DCC: variants seen among roughly 807,000 people sequenced by gnomAD.
The protein encoded by DCC is DCC netrin 1 receptor.
A neutral mutation model predicts 172.5 loss-of-function variants in DCC; 58 were observed. The ratio of observed to expected loss-of-function variants is 0.34; its 90% CI spans 0.27 to 0.42. DCC has a LOEUF of 0.42. Among genes scored for constraint, DCC ranks in the 10% least tolerant of loss-of-function variants. The probability of loss-of-function intolerance (pLI) is 1.00; values close to 1 mark genes in which losing one functional copy is unlikely to be tolerated. For synonymous variants in DCC, 709 were observed against 644.5 expected, an observed-to-expected ratio of 1.10 and a Z score of -1.52; for missense variants, 1,740 against 1,791.0, an observed-to-expected ratio of 0.97 and a Z score of 0.51.
intron 14 of DCC, among the ~76,000 whole-genome samples, chr18:53,334,692 G>A (rs975781796): frequency 4.6e-5 from 7 of 152,124 alleles, no homozygotes; most frequent in Admixed American, 4.6e-4. Flanking sequence ...TTGTCATTTT[G>A]TGATTGGCCT....
At chr18:52,934,375 C>T (rs2040351946) in intron 5 of DCC, among the ~76,000 whole-genome samples, 1 of 152,014 alleles carries the variant, frequency 6.6e-6, no homozygotes, top group Non-Finnish European at 1.5e-5. Context: ...TCACTTTTTT[C>T]TGTGCTTCTA....
At chr18:52,941,775 AT>A (rs956363930) in intron 5 of DCC, among the ~76,000 whole-genome samples, 25 of 151,760 alleles carry the variant, frequency 1.6e-4, no homozygotes, top group African/African-American at 5.6e-4. Context: ...TCTGATGTTT[AT>A]TTTTTTATTT....
At chr18:52,651,668 G>T (rs1408958844) in intron 1 of DCC, among the ~76,000 whole-genome samples, 1 of 151,966 alleles carries the variant, frequency 6.6e-6, no homozygotes, top group Non-Finnish European at 1.5e-5. Flanking sequence ...AACAAAGTGA[G>T]TATATTTTTA....
At position 53,370,712 on chromosome 18, in the gene DCC, G is replaced by A. The variant is rs150530932; in HGVS notation, c.2360-15331G>A. 8.6e-5 allele frequency among the ~76,000 whole-genome samples: 13 copies of A among 151,574 alleles called. No homozygotes were observed. The East Asian group carries it at 2.1e-3, about 25-fold the overall frequency. On this transcript the variant is annotated intron_variant, in intron 15 of 28. Coordinates refer to ENST00000442544, the MANE Select transcript of DCC (RefSeq NM_005215.4). ...TTGATTTATAACTTCATCCCATTAC[G>A]GCCAGAGAAGATACTTTATATGATC... is the stretch of plus-strand genomic sequence containing the variant.
chr18:52,779,698 T>G (rs2037498523), intron 2 of DCC, among the ~76,000 whole-genome samples: 1 of 152,206 alleles, frequency 6.6e-6, no homozygotes, highest in Non-Finnish European at 1.5e-5. Context: ...CAAATGGTAT[T>G]TCTAGTTCTA....
At chr18:52,358,284 A>G (rs1251265521) in intron 1 of DCC, among the ~76,000 whole-genome samples, 1 of 152,178 alleles carries the variant, frequency 6.6e-6, no homozygotes, top group Non-Finnish European at 1.5e-5. Flanking sequence ...CATTGTCCGT[A>G]AAACTTAATA....
At chr18:53,300,995 T>TCTTTCTTTCTTTC in intron 12 of DCC, among the ~76,000 whole-genome samples, 1 of 109,662 alleles carries the variant, frequency 9.1e-6, no homozygotes, top group South Asian at 3.0e-4. Flanking sequence ...CTTTCTTTTT[T>TCTTTCTTTCTTTC]TTTCTTTTCT....
chr18:52,484,184 T>C (rs1424409547), intron 1 of DCC, among the ~76,000 whole-genome samples: 1 of 152,178 alleles, frequency 6.6e-6, no homozygotes, highest in African/African-American at 2.4e-5. Context: ...TGTTTAAAAC[T>C]GCATTCTATT....
At chr18:53,244,052 A>G (rs1473212375) in intron 12 of DCC, among the ~76,000 whole-genome samples, 1 of 152,162 alleles carries the variant, frequency 6.6e-6, no homozygotes, top group African/African-American at 2.4e-5. Context: ...GTTTTGTATC[A>G]TTAGATATCA....
chr18:53,434,881 A>G (rs1024417817), intron 21 of DCC, among the ~76,000 whole-genome samples: 3 of 152,188 alleles, frequency 2.0e-5, no homozygotes, highest in Non-Finnish European at 4.4e-5. Flanking sequence ...TAATAAGAAT[A>G]TTGGGAGAAA....
intron 15 of DCC, among the ~76,000 whole-genome samples, chr18:53,351,062 G>A (rs2057786016): frequency 2.0e-5 from 3 of 150,582 alleles, no homozygotes; most frequent in Admixed American, 6.6e-5. Context: ...TAAACCTATA[G>A]CTGTTTTCAA....
intron 1 of DCC, among the ~76,000 whole-genome samples, chr18:52,506,828 T>G (rs1328214470): frequency 1.3e-5 from 2 of 152,134 alleles, no homozygotes; most frequent in East Asian, 3.9e-4. Flanking sequence ...GTAAAATGTT[T>G]GAAGAATAAT....
intron 1 of DCC, among the ~76,000 whole-genome samples, chr18:52,591,874 A>G (rs1465333939): frequency 1.4e-5 from 2 of 147,054 alleles, no homozygotes; most frequent in Non-Finnish European, 3.0e-5. Context: ...GTAGGCTTCC[A>G]AAGCTCTAGG....
intron 1 of DCC, among the ~76,000 whole-genome samples, chr18:52,368,491 T>A (rs1475838219): frequency 1.3e-5 from 2 of 152,226 alleles, no homozygotes; most frequent in African/African-American, 4.8e-5. Flanking sequence ...TAGCTCCCTA[T>A]GCGTCATTCT....
At chr18:53,472,869 T>G (rs2145193420) in intron 25 of DCC, among the ~76,000 whole-genome samples, 1 of 152,318 alleles carries the variant, frequency 6.6e-6, no homozygotes, top group South Asian at 2.1e-4. Flanking sequence ...AAACAAATTT[T>G]TAAAAACGTT....
chr18:53,390,305 C>A (rs994767002), intron 16 of DCC, among the ~76,000 whole-genome samples: 4 of 151,356 alleles, frequency 2.6e-5, no homozygotes, highest in Non-Finnish European at 1.5e-5. Flanking sequence ...ATATTTTGCT[C>A]CAAAGACCAC....
chr18:53,096,324 G>T (rs879629173), intron 7 of DCC, among the ~76,000 whole-genome samples: 6 of 152,084 alleles, frequency 3.9e-5, no homozygotes, highest in Admixed American at 6.6e-5. Flanking sequence ...AGATGACAGT[G>T]AGGCCTTGTA....
intron 11 of DCC, among the ~76,000 whole-genome samples, chr18:53,212,440 A>T (rs1274287232): frequency 6.6e-6 from 1 of 152,096 alleles, no homozygotes; most frequent in South Asian, 2.1e-4. Context: ...TCTATCTCCA[A>T]ATAATATGGA....
chr18:53,170,916 T>C (rs1480623517), intron 8 of DCC, among the ~76,000 whole-genome samples: 1 of 152,154 alleles, frequency 6.6e-6, no homozygotes, highest in Non-Finnish European at 1.5e-5. Flanking sequence ...AACAAGGTCT[T>C]ACTCTGTCAC....
Sources: allele counts gnomAD v4.1 joint callset (sites outside exome capture counted in the v4.1 genomes callset), GRCh38; gene constraint gnomAD v4.1.1; transcripts MANE v1.5; gene names NCBI Gene and HGNC (gene_info 2026-07-23, HGNC 2026-07-21).